The following LRP1B variants were observed in gnomAD, a reference collection of about 807,000 sequenced individuals.
The protein encoded by LRP1B is low-density lipoprotein receptor-related protein 1B.
Under a neutral mutation model 556.6 loss-of-function variants are expected in LRP1B, and 217 were observed. That is an observed-to-expected ratio of 0.39 (90% CI 0.35 to 0.44). The LOEUF (loss-of-function observed/expected upper bound fraction) is 0.44. LRP1B is among the 20% of genes least tolerant of loss of function. LRP1B has a pLI of 1.00. For synonymous variants in LRP1B, 2,047 were observed against 1,865.8 expected (o/e 1.10, Z -2.50); for missense variants, 5,053 against 5,620.8 (o/e 0.90, Z 3.23).
chr2:140,321,932 C>T (rs1387602297), intron 82 of LRP1B, 31 bp downstream of exon 82: 2 of 1,583,762 alleles, frequency 1.3e-6, no homozygotes, highest in Non-Finnish European at 1.7e-6. Flanking sequence ...AGGATTAATT[C>T]ATTATTTACA....
At position 140,364,718 on chromosome 2, in the gene LRP1B, C is replaced by T. The variant is rs753869074; in HGVS notation, c.11074G>A (p.Val3692Met). 1.2e-5 allele frequency: 20 copies of T among 1,610,126 alleles called. No homozygotes were observed. In the South Asian group the frequency reaches 2.2e-4, roughly 18 times the overall value. Residue 3692 changes from valine to methionine, a missense_variant, in exon 72 of 91, where the codon GTG becomes ATG. By Grantham distance (21) the Val-to-Met change is conservative. Around this residue, in one of 5 missense-constraint regions of LRP1B, gnomAD observed 599 missense variants for 648.4 expected, o/e 0.92. Coordinates refer to ENST00000389484, the MANE Select transcript of LRP1B (RefSeq NM_018557.3). ...CCACAGTCGTCCTCTCCATCACACA[C>T]CCAGAAATGTAGTTTGCAGAGAGAA... Reference protein sequence around the residue: ...NNSLCKLHFWVCDGEDDCGDN... With the variant: ...NNSLCKLHFWMCDGEDDCGDN...
chr2:140,440,739 A>ATGTGTGTGTGTGTGTGTGTG (rs1279713239), intron 66 of LRP1B, among the ~76,000 whole-genome samples: 4 of 86,426 alleles, frequency 4.6e-5, no homozygotes, highest in South Asian at 3.2e-4. Flanking sequence ...GTCCCTCTGT[A>ATGTGTGTGTGTGTGTGTGTG]TGTATGTGTG....
chr2:140,489,604 A>G (rs1688616553), intron 57 of LRP1B, among the ~76,000 whole-genome samples: 2 of 152,108 alleles, frequency 1.3e-5, no homozygotes, highest in Admixed American at 1.3e-4. Context: ...TGTTCCAGGC[A>G]AGTTTGTAGA....
chr2:141,205,418 T>G (rs1449855097), intron 6 of LRP1B, among the ~76,000 whole-genome samples: 1 of 152,156 alleles, frequency 6.6e-6, no homozygotes, highest in Non-Finnish European at 1.5e-5. Context: ...AGTCCCAAAA[T>G]AGAAGCTCAG....
intron 3 of LRP1B, among the ~76,000 whole-genome samples, chr2:141,420,045 T>C (rs776476779): frequency 6.6e-6 from 1 of 152,202 alleles, no homozygotes; most frequent in Non-Finnish European, 1.5e-5. Flanking sequence ...ATAGGGCTAT[T>C]AAAGCCCTCT....
chr2:142,024,221 C>CATTA (rs1703433029), intron 1 of LRP1B, among the ~76,000 whole-genome samples: 1 of 152,160 alleles, frequency 6.6e-6, no homozygotes, highest in African/African-American at 2.4e-5. Flanking sequence ...TTGTTATAAC[C>CATTA]ATTAAGATGT....
At chr2:141,501,506 G>A (rs1683709578) in intron 2 of LRP1B, among the ~76,000 whole-genome samples, 1 of 152,104 alleles carries the variant, frequency 6.6e-6, no homozygotes, top group South Asian at 2.1e-4. Context: ...TTATACTACA[G>A]TATAATTAAG....
intron 66 of LRP1B, among the ~76,000 whole-genome samples, chr2:140,434,148 C>T (rs1232147376): frequency 6.6e-6 from 1 of 152,178 alleles, no homozygotes; most frequent in South Asian, 2.1e-4. Context: ...CTGCTCACTG[C>T]AACCTCCGCC....
intron 3 of LRP1B, among the ~76,000 whole-genome samples, chr2:141,474,024 CTTCCTTCCTTCCTTCCTTCCT>C (rs779149169): frequency 0.054 from 7,324 of 136,786 alleles, 328 homozygotes; most frequent in East Asian, 0.11. Flanking sequence ...TCCTTCCTTC[CTTCCTTCCTTCCTTCCTTCCT>C]TTCCTTCCTT....
At chr2:140,969,457 C>G (rs1030423651) in intron 18 of LRP1B, among the ~76,000 whole-genome samples, 4 of 76,934 alleles carry the variant, frequency 5.2e-5, no homozygotes, top group Non-Finnish European at 8.9e-5. Flanking sequence ...ATACAGCACA[C>G]TGATGGGTCT....
chr2:140,332,046 C>G (rs915173439), intron 79 of LRP1B, among the ~76,000 whole-genome samples: 1 of 151,944 alleles, frequency 6.6e-6, no homozygotes, highest in African/African-American at 2.4e-5. Flanking sequence ...GTAATAAATT[C>G]ATTTCTGAGG....
At chr2:140,992,773 G>T (rs181321144) in intron 16 of LRP1B, 1 of 152,028 alleles carries the variant, frequency 6.6e-6, no homozygotes, top group Non-Finnish European at 1.5e-5. Context: ...ACCCTCAGAC[G>T]AAAGGTTCCT....
At chr2:140,398,651 T>A (rs1274750535) in intron 66 of LRP1B, among the ~76,000 whole-genome samples, 1 of 152,082 alleles carries the variant, frequency 6.6e-6, no homozygotes, top group African/African-American at 2.4e-5. Flanking sequence ...CTCAGTCTCC[T>A]GAATAGCAGG....
chr2:141,659,487 G>A (rs539252003), intron 2 of LRP1B, among the ~76,000 whole-genome samples: 1 of 152,164 alleles, frequency 6.6e-6, no homozygotes, highest in African/African-American at 2.4e-5. Context: ...ATGTACTGTA[G>A]TCAGTGAAGA....
intron 20 of LRP1B, among the ~76,000 whole-genome samples, chr2:140,928,689 A>C (rs568010492): frequency 8.5e-5 from 13 of 152,120 alleles, no homozygotes; most frequent in Non-Finnish European, 1.6e-4. Context: ...ATACATTGTC[A>C]ATATCATTGA....
At chr2:141,782,311 A>G (rs887528920) in intron 2 of LRP1B, among the ~76,000 whole-genome samples, 4 of 152,050 alleles carry the variant, frequency 2.6e-5, no homozygotes, top group Admixed American at 2.0e-4. Flanking sequence ...TCATCTTCTA[A>G]GTAATAGTAA....
chr2:140,602,407 A>G (rs1282200011), intron 41 of LRP1B, among the ~76,000 whole-genome samples: 1 of 152,066 alleles, frequency 6.6e-6, no homozygotes, highest in African/African-American at 2.4e-5. Context: ...ACATGCTATG[A>G]GTGCATCTTT....
intron 86 of LRP1B, among the ~76,000 whole-genome samples, chr2:140,253,268 T>G (rs374494019): frequency 9.2e-5 from 14 of 152,190 alleles, no homozygotes; most frequent in African/African-American, 3.1e-4. Context: ...AAAGAGTTTT[T>G]GATTTCTGAG....
At chr2:140,489,042 G>C (rs1170810790) in intron 57 of LRP1B, among the ~76,000 whole-genome samples, 1 of 151,980 alleles carries the variant, frequency 6.6e-6, no homozygotes. Flanking sequence ...CAAGGCTAAT[G>C]ATTACTCTTC....
Sources: allele counts gnomAD v4.1 joint callset (sites outside exome capture counted in the v4.1 genomes callset), GRCh38; gene constraint gnomAD v4.1.1; regional missense constraint gnomAD v4.1.1; transcripts MANE v1.5; gene names NCBI Gene and HGNC (gene_info 2026-07-23, HGNC 2026-07-21).